Variants in AGBL1 observed in about 807,000 individuals in gnomAD.
The protein encoded by AGBL1 is cytosolic carboxypeptidase 4.
AGBL1 carries 130 observed loss-of-function variants against 118.9 expected under a neutral mutation model. That is an observed-to-expected ratio of 1.09 (90% CI 0.95 to 1.26). The LOEUF is 1.26. Ranked by LOEUF, AGBL1 falls within the 50% of genes most tolerant of loss-of-function variation. The pLI, the probability that AGBL1 is intolerant of heterozygous loss-of-function variation, is 0.00. For synonymous variants in AGBL1, 555 were observed against 478.9 expected (o/e 1.16, Z -2.08); for missense variants, 1,584 against 1,298.1 (o/e 1.22, Z -3.38).
chr15:86,668,844 A>G (rs1299896067), intron 21 of AGBL1, among the ~76,000 whole-genome samples: 3 of 152,200 alleles, frequency 2.0e-5, no homozygotes, highest in Admixed American at 2.0e-4. Context: ...GGCATATTTG[A>G]CTTTCTTGGC....
At chr15:87,003,425 G>C (rs895610505) in intron 24 of AGBL1, among the ~76,000 whole-genome samples, 1 of 149,404 alleles carries the variant, frequency 6.7e-6, no homozygotes, top group Non-Finnish European at 1.5e-5. Context: ...TCGGGATATT[G>C]GTCTAAAATT....
chr15:86,143,814 C>G lies in AGBL1; in HGVS notation c.231C>G (p.Leu77=), dbSNP rs138356654. Residue 77 remains leucine, a synonymous_variant, in exon 3 of 23, where the codon CTC becomes CTG. Transcript: ENST00000614907. ...APPDYDILLP[L]FRLLAKVGLR... is the part of the protein sequence containing the mutation. ...CAGACTATGACATCCTCCTGCCTCT[C>G]TTCCGGCTGCTGGCCAAAGTTGGCC... is the stretch of plus-strand genomic sequence containing the variant. 8 of 1,613,870 alleles carry G rather than the reference C, an allele frequency of 5.0e-6. No individual in the cohort carries two copies. The East Asian group carries it at 1.8e-4, about 36-fold the overall frequency.
At chr15:86,904,621 ATATT>A (rs1338208697) in intron 22 of AGBL1, among the ~76,000 whole-genome samples, 4 of 148,428 alleles carry the variant, frequency 2.7e-5, no homozygotes, top group East Asian at 1.9e-4. Flanking sequence ...AGTATCTATT[ATATT>A]TATTTTGTTA....
intron 5 of AGBL1, among the ~76,000 whole-genome samples, chr15:86,215,347 A>T (rs2078171082): frequency 6.6e-6 from 1 of 151,678 alleles, no homozygotes; most frequent in African/African-American, 2.4e-5. Flanking sequence ...AACATGTTCA[A>T]TCCCTTTTAA....
At chr15:86,416,527 G>A (rs2081697565) in intron 18 of AGBL1, among the ~76,000 whole-genome samples, 1 of 151,992 alleles carries the variant, frequency 6.6e-6, no homozygotes, top group Non-Finnish European at 1.5e-5. Context: ...GCAGTAATCA[G>A]GGCCATTGAT....
intron 1 of AGBL1, among the ~76,000 whole-genome samples, chr15:86,119,655 TTGTGTGTGTGTGTGTGTG>T (rs59997626): frequency 2.0e-5 from 3 of 148,584 alleles, no homozygotes; most frequent in Non-Finnish European, 3.0e-5. Context: ...GAAAAGTAGT[TTGTGTGTGTGTGTGTGTG>T]TGTGTGTGTG....
chr15:86,804,525 G>A lies in AGBL1; in HGVS notation c.3159-102562G>A, dbSNP rs147448951. Among the ~76,000 whole-genome samples, 169 of 152,268 alleles carry A rather than the reference G, an allele frequency of 1.1e-3. 2 individuals carry two copies. Among genetic ancestry groups the A allele is most frequent in the African/African-American group, 3.9e-3 (163 of 41,566 alleles). The stretch of plus-strand genomic sequence containing the variant: ...AATAACAACAACAAATCTGGCCTCA[G>A]GAAAAATGCAAAATGGAAGGAAGCG... On this transcript the variant is annotated intron_variant, in intron 22 of 22. Transcript: ENST00000614907.
rs578260017 is a variant in AGBL1 at position 86,332,889 on chromosome 15, T to C, written c.2374+37481T>C. Among the ~76,000 whole-genome samples, 53 of 152,264 alleles carry C rather than the reference T, an allele frequency of 3.5e-4. 1 individual carries two copies. Among genetic ancestry groups the C allele is most frequent in the Admixed American group, 3.1e-3 (47 of 15,302 alleles). On this transcript the variant is annotated intron_variant, in intron 17 of 22. Coordinates refer to ENST00000614907, the MANE Select transcript of AGBL1 (RefSeq NM_001386094.1). Reference sequence around the variant, plus strand: ...ACAGTGGAATAAAAATCCTCTGCTCTCTCAAAAACCACACAATTACATGGA... The same window carrying C: ...ACAGTGGAATAAAAATCCTCTGCTCCCTCAAAAACCACACAATTACATGGA...
intron 23 of AGBL1, among the ~76,000 whole-genome samples, chr15:86,958,241 A>T (rs1177372649): frequency 2.0e-5 from 3 of 151,062 alleles, no homozygotes; most frequent in Non-Finnish European, 4.4e-5. Flanking sequence ...AAAATGAAAG[A>T]TGGTAGAATG....
At chr15:87,025,547 T>C (rs1217371679) in intron 24 of AGBL1, among the ~76,000 whole-genome samples, 1 of 151,988 alleles carries the variant, frequency 6.6e-6, no homozygotes, top group Non-Finnish European at 1.5e-5. Flanking sequence ...ATGGGTAGAA[T>C]CAATATTGTG....
intron 18 of AGBL1, among the ~76,000 whole-genome samples, chr15:86,484,929 C>A (rs930668081): frequency 6.6e-6 from 1 of 152,238 alleles, no homozygotes; most frequent in East Asian, 1.9e-4. Flanking sequence ...TCTACATGCC[C>A]CACTTTACTT....
intron 21 of AGBL1, among the ~76,000 whole-genome samples, 177 bp from the exon 22 acceptor site, chr15:86,674,096 A>C (rs1199460790): frequency 6.6e-6 from 1 of 152,166 alleles, no homozygotes; most frequent in Non-Finnish European, 1.5e-5. Flanking sequence ...ACACAGACTG[A>C]GAACCACCAC....
chr15:86,434,182 C>T (rs767501859), intron 18 of AGBL1, among the ~76,000 whole-genome samples: 5 of 152,228 alleles, frequency 3.3e-5, no homozygotes, highest in Admixed American at 6.5e-5. Flanking sequence ...TGCTAACCAT[C>T]TGGATTAATC....
At chr15:86,489,693 C>T (rs374209003) in intron 18 of AGBL1, among the ~76,000 whole-genome samples, 13 of 152,062 alleles carry the variant, frequency 8.5e-5, no homozygotes, top group Admixed American at 2.6e-4. Context: ...TTGACAATAG[C>T]GGAGCTAACT....
chr15:86,956,215 G>T (rs1007354131), intron 23 of AGBL1, among the ~76,000 whole-genome samples: 1 of 116,760 alleles, frequency 8.6e-6, no homozygotes, highest in South Asian at 3.1e-4. Flanking sequence ...ATAGATGATT[G>T]ATTAGATAGA....
intron 22 of AGBL1, among the ~76,000 whole-genome samples, chr15:86,775,469 T>G (rs2078241302): frequency 6.6e-6 from 1 of 152,144 alleles, no homozygotes; most frequent in South Asian, 2.1e-4. Context: ...TTGGTGCATC[T>G]TAGAGTTAAA....
chr15:86,567,138 C>A (rs1273800661), intron 21 of AGBL1, among the ~76,000 whole-genome samples: 2 of 152,090 alleles, frequency 1.3e-5, no homozygotes, highest in African/African-American at 2.4e-5. Context: ...ACTTAGGCTC[C>A]AACTCTTAAC....
At chr15:86,349,039 G>C (rs958322357) in intron 17 of AGBL1, among the ~76,000 whole-genome samples, 2 of 152,178 alleles carry the variant, frequency 1.3e-5, no homozygotes, top group Non-Finnish European at 2.9e-5. Flanking sequence ...ATAGAGAAAA[G>C]ATGGCAATGT....
intron 22 of AGBL1, among the ~76,000 whole-genome samples, chr15:86,750,060 A>G (rs1470087183): frequency 6.6e-6 from 1 of 151,904 alleles, no homozygotes; most frequent in South Asian, 2.1e-4. Context: ...TTTTTCTATT[A>G]ATTGGAATAA....
Sources: allele counts gnomAD v4.1 joint callset (sites outside exome capture counted in the v4.1 genomes callset), GRCh38; gene constraint gnomAD v4.1.1; transcripts MANE v1.5; gene names NCBI Gene and HGNC (gene_info 2026-07-23, HGNC 2026-07-21).